FSTL4: variants seen among roughly 807,000 people sequenced by gnomAD.
The protein encoded by FSTL4 is follistatin like 4.
FSTL4 carries 28 observed loss-of-function variants against 78.2 expected under a neutral mutation model. The observed-to-expected ratio is 0.36, with a 90% CI of 0.27 to 0.49. FSTL4 has a LOEUF of 0.49. FSTL4 is among the 20% of genes least tolerant of loss of function. The pLI, the probability that FSTL4 is intolerant of heterozygous loss-of-function variation, is 0.98. For synonymous variants in FSTL4, 422 were observed against 440.5 expected (o/e 0.96, Z 0.53); for missense variants, 922 against 1,084.9 (o/e 0.85, Z 2.11).
At chr5:133,237,132 G>C (rs560279739) in intron 7 of FSTL4, among the ~76,000 whole-genome samples, 27 of 152,304 alleles carry the variant, frequency 1.8e-4, no homozygotes, top group East Asian at 5.8e-4. Context: ...GGCTCAAAAT[G>C]AGGCAGCTGG....
At chr5:133,716,182 A>C in the FSTL4 span, among the ~76,000 whole-genome samples, 7 of 152,166 alleles carry the variant, frequency 4.6e-5, no homozygotes, top group African/African-American at 1.7e-4. Flanking sequence ...GAATGGATCC[A>C]ATTTTTAGCT....
At chr5:133,743,354 C>T in the FSTL4 span, among the ~76,000 whole-genome samples, 2 of 152,230 alleles carry the variant, frequency 1.3e-5, no homozygotes, top group African/African-American at 4.8e-5. Context: ...ATTGGAAAAT[C>T]CTCACCTTGC....
chr5:133,773,260 A>C, the FSTL4 span, among the ~76,000 whole-genome samples: 1 of 150,740 alleles, frequency 6.6e-6, no homozygotes, highest in African/African-American at 2.4e-5. Flanking sequence ...ATATGACCAA[A>C]AAAAAAAAAA....
chr5:133,548,504 C>T (rs954909514), intron 3 of FSTL4, among the ~76,000 whole-genome samples: 1 of 150,062 alleles, frequency 6.7e-6, no homozygotes, highest in African/African-American at 2.4e-5. Context: ...AGGGAGAAAC[C>T]AAAAAAAAAT....
At chr5:133,801,406 C>T in the FSTL4 span, among the ~76,000 whole-genome samples, 1 of 152,134 alleles carries the variant, frequency 6.6e-6, no homozygotes, top group East Asian at 1.9e-4. Context: ...CCCTTCATTC[C>T]TCTCTCTCTC....
At chr5:133,800,448 C>T in the FSTL4 span, among the ~76,000 whole-genome samples, 6 of 138,408 alleles carry the variant, frequency 4.3e-5, no homozygotes, top group Admixed American at 7.4e-5. Flanking sequence ...TAAAAAAGGT[C>T]GGTGCATAAA....
the FSTL4 span, among the ~76,000 whole-genome samples, chr5:133,821,727 C>T: frequency 3.9e-5 from 6 of 152,102 alleles, no homozygotes; most frequent in Non-Finnish European, 8.8e-5. Flanking sequence ...GGAGGAGCTC[C>T]TACTTCATCC....
chr5:133,399,463 T>TCC (rs1756161303), intron 4 of FSTL4, among the ~76,000 whole-genome samples: 1 of 152,086 alleles, frequency 6.6e-6, no homozygotes, highest in South Asian at 2.1e-4. Context: ...CCTAGCACTC[T>TCC]ATGCTGCCAC....
the FSTL4 span, among the ~76,000 whole-genome samples, chr5:133,622,723 G>C: frequency 2.0e-5 from 3 of 152,064 alleles, no homozygotes; most frequent in African/African-American, 7.2e-5. Context: ...ATCCCCTTTG[G>C]TGAAATATCT....
intron 13 of FSTL4, among the ~76,000 whole-genome samples, chr5:133,211,149 C>T (rs185020101): frequency 2.6e-5 from 4 of 152,300 alleles, no homozygotes; most frequent in Admixed American, 6.5e-5. Context: ...CAGACGTGCT[C>T]TTTTTTAACT....
At chr5:133,660,830 AATT>A in the FSTL4 span, among the ~76,000 whole-genome samples, 2 of 152,200 alleles carry the variant, frequency 1.3e-5, no homozygotes, top group Non-Finnish European at 2.9e-5. Flanking sequence ...GAAAAAAAGC[AATT>A]ATTATTGTTT....
chr5:133,605,639 G>A (rs1455845596), intron 1 of FSTL4, among the ~76,000 whole-genome samples: 1 of 152,228 alleles, frequency 6.6e-6, no homozygotes, highest in Non-Finnish European at 1.5e-5. Flanking sequence ...CCACAGGGAG[G>A]AGAAGTCAGA....
At chr5:133,368,608 C>T (rs1755225191) in intron 4 of FSTL4, among the ~76,000 whole-genome samples, 1 of 152,222 alleles carries the variant, frequency 6.6e-6, no homozygotes, top group African/African-American at 2.4e-5. Flanking sequence ...GTCCAAAGAG[C>T]AACAGGAAGA....
chr5:133,240,493 G>C (rs1461449049), intron 7 of FSTL4, among the ~76,000 whole-genome samples: 1 of 152,190 alleles, frequency 6.6e-6, no homozygotes, highest in African/African-American at 2.4e-5. Context: ...CTCGTTCCCA[G>C]GTTCAGGCCT....
At chr5:133,223,308 G>A (rs1193189750) in intron 11 of FSTL4, among the ~76,000 whole-genome samples, 2 of 152,214 alleles carry the variant, frequency 1.3e-5, no homozygotes, top group Non-Finnish European at 1.5e-5. Flanking sequence ...TGACGTTCAG[G>A]AAATTGTTCT....
chr5:133,437,777 C>G (rs1015230207), intron 3 of FSTL4, among the ~76,000 whole-genome samples: 1 of 151,798 alleles, frequency 6.6e-6, no homozygotes, highest in African/African-American at 2.4e-5. Context: ...AGGCATGAGC[C>G]ACTGCACTTG....
At chr5:133,723,027 G>C in the FSTL4 span, among the ~76,000 whole-genome samples, 1 of 152,178 alleles carries the variant, frequency 6.6e-6, no homozygotes, top group African/African-American at 2.4e-5. Context: ...TCTTGGTGTT[G>C]GGTCTTACAG....
intron 3 of FSTL4, among the ~76,000 whole-genome samples, chr5:133,506,965 A>G (rs1039575163): frequency 6.6e-6 from 1 of 152,324 alleles, no homozygotes; most frequent in African/African-American, 2.4e-5. Flanking sequence ...TAATCCTACC[A>G]CTTTGGGAGG....
At chr5:133,675,790 C>A in the FSTL4 span, among the ~76,000 whole-genome samples, 14 of 152,228 alleles carry the variant, frequency 9.2e-5, no homozygotes, top group African/African-American at 3.4e-4. Flanking sequence ...GAAGAGCCTA[C>A]TAATTTCACC....
Sources: gnomAD v4.1 joint callset for allele counts (sites outside exome capture counted in the v4.1 genomes callset) on GRCh38, gnomAD v4.1.1 for gene constraint, MANE v1.5 for transcripts, NCBI Gene and HGNC (gene_info 2026-07-23, HGNC 2026-07-21) for gene names.